The following LPXN variants were observed in gnomAD, a reference collection of about 807,000 sequenced individuals.
The protein encoded by LPXN is leupaxin.
In LPXN, 28 loss-of-function variants were observed where a neutral mutation model predicts 45.6. The ratio of observed to expected loss-of-function variants is 0.61; its 90% CI spans 0.45 to 0.84. LPXN has a LOEUF of 0.84. Among genes scored for constraint, LPXN ranks in the 40% least tolerant of loss-of-function variants. LPXN has a pLI of 0.00. For synonymous variants in LPXN, 166 were observed against 169.9 expected, an observed-to-expected ratio of 0.98 and a Z score of 0.18; for missense variants, 459 against 475.0, an observed-to-expected ratio of 0.97 and a Z score of 0.31.
chr11:58,530,575 C>T (rs539128783), intron 7 of LPXN, among the ~76,000 whole-genome samples: 1 of 152,324 alleles, frequency 6.6e-6, no homozygotes, highest in Admixed American at 6.5e-5. Flanking sequence ...GATAAAACCC[C>T]CATCTCCCTG....
intron 4 of LPXN, among the ~76,000 whole-genome samples, chr11:58,551,918 A>G (rs918049381): frequency 1.3e-5 from 2 of 152,232 alleles, no homozygotes; most frequent in Non-Finnish European, 2.9e-5. Flanking sequence ...GAGGAATAAA[A>G]CAACTTGGCA....
At chr11:58,562,810 TG>T (rs869100848) in intron 3 of LPXN, among the ~76,000 whole-genome samples, 22 of 12,812 alleles carry the variant, frequency 1.7e-3, no homozygotes, top group South Asian at 0.027. Flanking sequence ...TAGAGCGACT[TG>T]TGGGGGGGAA....
intron 3 of LPXN, among the ~76,000 whole-genome samples, chr11:58,560,751 A>G (rs1439119667): frequency 2.0e-5 from 3 of 152,328 alleles, no homozygotes; most frequent in East Asian, 1.9e-4. Flanking sequence ...TACATAATAC[A>G]GTTGGCAAGT....
chr11:58,550,084 T>C lies in LPXN; in HGVS notation c.549A>G (p.Glu183=). 2 of 1,614,212 alleles carry C rather than the reference T, an allele frequency of 1.2e-6. No homozygotes were observed. Among genetic ancestry groups the C allele is most frequent in the Non-Finnish European group, 1.7e-6 (2 of 1,180,042 alleles). The part of the protein sequence containing the change: ...PEHFVCTHCK[E]EIGSSPFFER... ...CAAAGAAGGGACTGGAGCCAATCTC[T>C]TCTTTGCAATGAGTACAGACAAAAT... The change falls in exon 6 of 9, where the codon GAA becomes GAG. Residue 183 remains glutamate (E), a synonymous_variant. Transcript: ENST00000395074.
chr11:58,557,051 T>C (rs1308037096), intron 3 of LPXN, among the ~76,000 whole-genome samples: 1 of 152,188 alleles, frequency 6.6e-6, no homozygotes, highest in Non-Finnish European at 1.5e-5. Flanking sequence ...TGGCAAATGT[T>C]GGCCAGGGTA....
At chr11:58,554,817 G>C (rs111914867) in intron 4 of LPXN, 24 bp downstream of exon 4, 17 of 1,601,226 alleles carry the variant, frequency 1.1e-5, no homozygotes, top group African/African-American at 8.0e-5. Context: ...ACCTTGGCCT[G>C]CACTCACCTT....
chr11:58,536,246 C>T (rs1853549651), intron 7 of LPXN, among the ~76,000 whole-genome samples: 1 of 152,166 alleles, frequency 6.6e-6, no homozygotes, highest in South Asian at 2.1e-4. Context: ...ATCATGCTAC[C>T]TGACTTCAAA....
At chr11:58,531,003 C>A (rs1642870285) in intron 7 of LPXN, among the ~76,000 whole-genome samples, 1 of 152,188 alleles carries the variant, frequency 6.6e-6, no homozygotes, top group South Asian at 2.1e-4. Context: ...AAAGGAATAG[C>A]ATCAACATCA....
chr11:58,570,075 G>A lies in LPXN; in HGVS notation c.171+481C>T, dbSNP rs61889509. Among the ~76,000 whole-genome samples the A allele has an allele frequency of 5.6e-3, 848 of 152,192 alleles. 4 individuals are homozygous for A. Among genetic ancestry groups the A allele is most frequent in the South Asian group, 0.011 (55 of 4,816 alleles). On this transcript the variant is annotated intron_variant, in intron 2 of 8. Coordinates refer to ENST00000395074, the MANE Select transcript of LPXN (RefSeq NM_004811.3). ...TCCCAGCAATTTGGGAGGCCAAGGC[G>A]GGTGAATCACCTCAGGTCAGGAGTT...
intron 1 of LPXN, among the ~76,000 whole-genome samples, chr11:58,572,405 G>T (rs1565207010): frequency 6.6e-6 from 1 of 151,812 alleles, no homozygotes; most frequent in Non-Finnish European, 1.5e-5. Flanking sequence ...TCGGGCAAAT[G>T]AATAACTGTA....
At chr11:58,569,163 T>TACAGGGAAC (rs1854605942) in intron 2 of LPXN, among the ~76,000 whole-genome samples, 1 of 152,194 alleles carries the variant, frequency 6.6e-6, no homozygotes, top group Admixed American at 6.5e-5. Flanking sequence ...GGCTATTTCA[T>TACAGGGAAC]ACAGGGAACA....
At chr11:58,536,918 C>A (rs539477856) in intron 7 of LPXN, among the ~76,000 whole-genome samples, 1 of 151,986 alleles carries the variant, frequency 6.6e-6, no homozygotes, top group Non-Finnish European at 1.5e-5. Flanking sequence ...AAAAGCTCAT[C>A]ATCACTGGTC....
chr11:58,550,879 G>A (rs1420627677), intron 5 of LPXN, among the ~76,000 whole-genome samples, 186 bp downstream of exon 5: 1 of 152,184 alleles, frequency 6.6e-6, no homozygotes, highest in Non-Finnish European at 1.5e-5. Flanking sequence ...CTTCTTGAAG[G>A]GCTGATGTGA....
chr11:58,561,569 T>A (rs920086663), intron 3 of LPXN, among the ~76,000 whole-genome samples: 1 of 152,222 alleles, frequency 6.6e-6, no homozygotes, highest in Admixed American at 6.5e-5. Context: ...TCAGTCATAA[T>A]CCTTTCGTAG....
intron 7 of LPXN, among the ~76,000 whole-genome samples, chr11:58,532,816 C>G (rs367889776): frequency 2.0e-5 from 3 of 152,210 alleles, no homozygotes; most frequent in Non-Finnish European, 4.4e-5. Flanking sequence ...CCACTTGGGT[C>G]CCCTTCCACA....
intron 7 of LPXN, among the ~76,000 whole-genome samples, chr11:58,545,832 G>T (rs1853861557): frequency 6.6e-6 from 1 of 152,128 alleles, no homozygotes. Context: ...GTGACTTTAA[G>T]AAAATCACTT....
chr11:58,567,409 G>A (rs1854556793), intron 2 of LPXN, among the ~76,000 whole-genome samples: 1 of 152,088 alleles, frequency 6.6e-6, no homozygotes, highest in Non-Finnish European at 1.5e-5. Context: ...TTTTTGAATT[G>A]AGACCTCTAA....
intron 7 of LPXN, among the ~76,000 whole-genome samples, chr11:58,537,194 A>G (rs1223930954): frequency 6.6e-6 from 1 of 152,284 alleles, no homozygotes; most frequent in African/African-American, 2.4e-5. Flanking sequence ...TCATTCTACC[A>G]TAAAGACACA....
chr11:58,569,053 G>A (rs921286371), intron 2 of LPXN, among the ~76,000 whole-genome samples: 5 of 152,226 alleles, frequency 3.3e-5, no homozygotes, highest in Admixed American at 3.3e-4. Context: ...TTCCCTAGTA[G>A]AGAGATAAAT....
Sources: allele counts gnomAD v4.1 joint callset (sites outside exome capture counted in the v4.1 genomes callset), GRCh38; gene constraint gnomAD v4.1.1; transcripts MANE v1.5; gene names NCBI Gene and HGNC (gene_info 2026-07-23, HGNC 2026-07-21).